The following TUSC3 variants were observed in gnomAD, a reference collection of about 807,000 sequenced individuals.
TUSC3 encodes tumor suppressor candidate 3, also known as dolichyl-diphosphooligosaccharide--protein glycosyltransferase subunit TUSC3.
In TUSC3, 45 loss-of-function variants were observed where a neutral mutation model predicts 44.8. The observed-to-expected ratio is 1.00, with a 90% CI of 0.79 to 1.29. TUSC3 has a LOEUF of 1.29. Ranked by LOEUF, TUSC3 falls within the 50% of genes most tolerant of loss-of-function variation. TUSC3 has a pLI of 0.00. For synonymous variants in TUSC3, 212 were observed against 152.9 expected, an observed-to-expected ratio of 1.39 and a Z score of -2.85; for missense variants, 519 against 437.9, an observed-to-expected ratio of 1.19 and a Z score of -1.65.
chr8:15,595,982 G>A (rs1271066187), intron 1 of TUSC3, among the ~76,000 whole-genome samples: 2 of 152,084 alleles, frequency 1.3e-5, no homozygotes, highest in Non-Finnish European at 2.9e-5. Flanking sequence ...TATTTCTTCA[G>A]GACTTCAGAA....
At chr8:15,458,143 G>T (rs550038183) in intron 1 of TUSC3, among the ~76,000 whole-genome samples, 61 of 152,232 alleles carry the variant, frequency 4.0e-4, no homozygotes, top group African/African-American at 1.4e-3. Context: ...CTAGTGAGAG[G>T]AAGGAAGGTG....
At chr8:15,476,349 T>C (rs1284046169) in intron 1 of TUSC3, among the ~76,000 whole-genome samples, 1 of 152,212 alleles carries the variant, frequency 6.6e-6, no homozygotes, top group African/African-American at 2.4e-5. Flanking sequence ...TTATCCTTTT[T>C]GTATAGTTCA....
At chr8:15,460,294 T>C (rs944398651) in intron 1 of TUSC3, among the ~76,000 whole-genome samples, 10 of 152,184 alleles carry the variant, frequency 6.6e-5, no homozygotes, top group African/African-American at 2.4e-4. Flanking sequence ...GTTAGTGATG[T>C]TGAGCATTTT....
the TUSC3 span, among the ~76,000 whole-genome samples, chr8:15,829,910 A>G: frequency 6.6e-6 from 1 of 152,188 alleles, no homozygotes; most frequent in Non-Finnish European, 1.5e-5. Flanking sequence ...TATTCCCACC[A>G]GCAGTGTGTA....
chr8:15,793,011 C>G, the TUSC3 span, among the ~76,000 whole-genome samples: 2 of 152,026 alleles, frequency 1.3e-5, no homozygotes, highest in African/African-American at 4.8e-5. Flanking sequence ...AAAAATAGAA[C>G]CAATGAGAAG....
chr8:15,480,777 C>T (rs1800647753), intron 1 of TUSC3, among the ~76,000 whole-genome samples: 2 of 152,168 alleles, frequency 1.3e-5, no homozygotes, highest in Admixed American at 6.5e-5. Flanking sequence ...AATATAACCT[C>T]ATTTAACCTA....
At chr8:15,622,050 G>A (rs986323100) in intron 1 of TUSC3, among the ~76,000 whole-genome samples, 4 of 152,076 alleles carry the variant, frequency 2.6e-5, no homozygotes, top group African/African-American at 4.8e-5. Context: ...GTCTCTGTGA[G>A]CCACTTTTCC....
At chr8:15,831,130 T>G in the TUSC3 span, among the ~76,000 whole-genome samples, 2 of 152,128 alleles carry the variant, frequency 1.3e-5, no homozygotes, top group African/African-American at 4.8e-5. Context: ...AGAACAAAGA[T>G]GGAGCGCAAA....
chr8:15,579,038 G>T (rs1803220986), intron 1 of TUSC3, among the ~76,000 whole-genome samples: 1 of 151,778 alleles, frequency 6.6e-6, no homozygotes, highest in Admixed American at 6.6e-5. Flanking sequence ...TCCTGGTTTA[G>T]TCTTGGGAGA....
At chr8:15,520,299 T>C (rs1585074106) in intron 2 of TUSC3, among the ~76,000 whole-genome samples, 1 of 152,212 alleles carries the variant, frequency 6.6e-6, no homozygotes, top group South Asian at 2.1e-4. Context: ...TGAAGACAAA[T>C]GAATACTATC....
intron 6 of TUSC3, among the ~76,000 whole-genome samples, chr8:15,728,437 A>G (rs2721224): frequency 0.37 from 53,039 of 143,020 alleles, 9,756 homozygotes; most frequent in Admixed American, 0.46. Flanking sequence ...TATTTTCTGA[A>G]TGATTGGATG....
rs552026357 is a variant in TUSC3 at position 15,754,433 on chromosome 8, G to A, written c.1029-3358G>A. 6.6e-5 allele frequency among the ~76,000 whole-genome samples: 10 copies of A among 152,202 alleles called. No individual in the cohort carries two copies. In the South Asian group the frequency reaches 2.1e-3, roughly 32 times the overall value. On this transcript the variant is annotated intron_variant, in intron 9 of 10. Transcript: ENST00000503731. The stretch of plus-strand genomic sequence containing the variant: ...TTTTAACATGAATACATGTTGCAGA[G>A]ATCAACTGCTAGTACAGACACACAT...
At chr8:15,790,672 G>A in the TUSC3 span, among the ~76,000 whole-genome samples, 4 of 152,150 alleles carry the variant, frequency 2.6e-5, no homozygotes, top group Middle Eastern at 3.2e-3. Flanking sequence ...GAAGGGTAGA[G>A]GTACCGGTGC....
chr8:15,561,379 G>C (rs200261482), intron 1 of TUSC3, among the ~76,000 whole-genome samples: 1 of 126,058 alleles, frequency 7.9e-6, no homozygotes, highest in Admixed American at 7.9e-5. Context: ...CTCCAGCTGC[G>C]TGCTGGGAGA....
the TUSC3 span, among the ~76,000 whole-genome samples, chr8:15,812,973 A>T: frequency 6.6e-6 from 1 of 152,132 alleles, no homozygotes; most frequent in Non-Finnish European, 1.5e-5. Context: ...ATGTGACTGT[A>T]GTCCCAGCTA....
chr8:15,821,938 G>T, the TUSC3 span, among the ~76,000 whole-genome samples: 1 of 152,064 alleles, frequency 6.6e-6, no homozygotes, highest in Non-Finnish European at 1.5e-5. Flanking sequence ...AGGTAAAGAG[G>T]GTGACCTCTT....
chr8:15,718,824 A>T (rs1810173011), intron 6 of TUSC3, among the ~76,000 whole-genome samples: 1 of 152,096 alleles, frequency 6.6e-6, no homozygotes, highest in Non-Finnish European at 1.5e-5. Context: ...TTGGACATTA[A>T]AATAACTAAA....
At chr8:15,435,052 G>T (rs1266450357) in intron 1 of TUSC3, among the ~76,000 whole-genome samples, 1 of 148,376 alleles carries the variant, frequency 6.7e-6, no homozygotes, top group African/African-American at 2.6e-5. Flanking sequence ...TATATACCCA[G>T]TAATGGGATG....
At chr8:15,797,992 G>A in the TUSC3 span, among the ~76,000 whole-genome samples, 1 of 152,120 alleles carries the variant, frequency 6.6e-6, no homozygotes, top group Non-Finnish European at 1.5e-5. Flanking sequence ...TCCTTCAACA[G>A]GCTATGATCT....
Sources: allele counts gnomAD v4.1 joint callset (sites outside exome capture counted in the v4.1 genomes callset), GRCh38; gene constraint gnomAD v4.1.1; transcripts MANE v1.5; gene names NCBI Gene and HGNC (gene_info 2026-07-23, HGNC 2026-07-21).